The following MEF2A variants were observed in gnomAD, a reference collection of about 807,000 sequenced individuals.
The protein encoded by MEF2A is myocyte enhancer factor 2A, also known as myocyte-specific enhancer factor 2A.
Under a neutral mutation model 55.8 loss-of-function variants are expected in MEF2A, and 28 were observed. The ratio of observed to expected loss-of-function variants is 0.50; its 90% CI spans 0.37 to 0.69. The LOEUF is 0.69. MEF2A is among the 30% of genes least tolerant of loss of function. The pLI, the probability that MEF2A is intolerant of heterozygous loss-of-function variation, is 0.00. For missense variants in MEF2A, 528 were observed against 626.2 expected (o/e 0.84, Z 1.67); for synonymous variants, 239 against 227.1 (o/e 1.05, Z -0.47).
At chr15:99,587,187 C>G (rs1967612640) in intron 1 of MEF2A, among the ~76,000 whole-genome samples, 1 of 152,058 alleles carries the variant, frequency 6.6e-6, no homozygotes, top group African/African-American at 2.4e-5. Flanking sequence ...AGGTATTTCT[C>G]ATAATGCTAT....
At position 99,686,687 on chromosome 15, in the gene MEF2A, T is replaced by C. The variant is rs560622507; in HGVS notation, c.671-3554T>C. Among the ~76,000 whole-genome samples, 13 of 152,366 alleles carry C rather than the reference T, an allele frequency of 8.5e-5. No individual in the cohort carries two copies. In the East Asian group the frequency reaches 2.1e-3, roughly 25 times the overall value. On this transcript the variant is annotated intron_variant, in intron 7 of 11. Coordinates refer to ENST00000557942, the MANE Select transcript of MEF2A (RefSeq NM_001319206.4). ...TCTTCACTTTAGATAATCTGATTAC[T>C]GTGTGCCTGGGTGACAATCTTTTTG...
chr15:99,690,472 T>C (rs368911649), intron 8 of MEF2A, 44 bp downstream of exon 8: 2 of 1,499,048 alleles, frequency 1.3e-6, no homozygotes, highest in Non-Finnish European at 9.1e-7. Flanking sequence ...AAACACATAT[T>C]TTATACATAG....
intron 8 of MEF2A, among the ~76,000 whole-genome samples, chr15:99,699,269 A>G (rs539099261): frequency 4.6e-5 from 7 of 152,342 alleles, no homozygotes; most frequent in African/African-American, 1.4e-4. Flanking sequence ...TAAACTGTTT[A>G]TTCACCCAGC....
intron 1 of MEF2A, among the ~76,000 whole-genome samples, chr15:99,576,485 AT>A (rs1964308069): frequency 6.6e-6 from 1 of 152,094 alleles, no homozygotes; most frequent in Admixed American, 6.6e-5. Flanking sequence ...ATGACCCAAC[AT>A]TATTTTTATT....
At chr15:99,694,390 T>A (rs930365105) in intron 8 of MEF2A, among the ~76,000 whole-genome samples, 4 of 152,176 alleles carry the variant, frequency 2.6e-5, no homozygotes, top group East Asian at 1.9e-4. Context: ...GATTTCAGAT[T>A]TTTTCAAGTT....
intron 1 of MEF2A, among the ~76,000 whole-genome samples, chr15:99,587,319 G>C (rs1567168361): frequency 2.0e-5 from 3 of 151,962 alleles, no homozygotes; most frequent in African/African-American, 7.3e-5. Flanking sequence ...TTGGTTTTCT[G>C]CTCTTGTGTT....
chr15:99,684,209 G>A (rs1380801467), intron 7 of MEF2A, among the ~76,000 whole-genome samples: 1 of 152,092 alleles, frequency 6.6e-6, no homozygotes, highest in Non-Finnish European at 1.5e-5. Flanking sequence ...TTCATATACT[G>A]ACTTCTTTTC....
chr15:99,647,394 A>G (rs868536390), intron 4 of MEF2A, among the ~76,000 whole-genome samples: 7 of 152,210 alleles, frequency 4.6e-5, no homozygotes, highest in African/African-American at 1.4e-4. Flanking sequence ...GCAAATAAGT[A>G]TTCTAGCTAA....
chr15:99,634,732 A>C (rs183522937), intron 3 of MEF2A, among the ~76,000 whole-genome samples: 1 of 152,216 alleles, frequency 6.6e-6, no homozygotes, highest in African/African-American at 2.4e-5. Flanking sequence ...TGTTGAAAAG[A>C]TAGATACTGC....
At chr15:99,612,915 G>T (rs1229042123) in intron 2 of MEF2A, among the ~76,000 whole-genome samples, 1 of 133,022 alleles carries the variant, frequency 7.5e-6, no homozygotes, top group Admixed American at 7.6e-5. Context: ...TTTAGCAAGT[G>T]AAAAAAAAAA....
chr15:99,615,137 A>G (rs2039984874), intron 2 of MEF2A, among the ~76,000 whole-genome samples: 1 of 152,172 alleles, frequency 6.6e-6, no homozygotes, highest in Admixed American at 6.5e-5. Context: ...ACAGAAAAGG[A>G]ACAGGCTTGG....
chr15:99,665,744 A>AAAAAAAAAAAAAC (rs2049529269), intron 4 of MEF2A, among the ~76,000 whole-genome samples: 1 of 150,398 alleles, frequency 6.6e-6, no homozygotes, highest in African/African-American at 2.4e-5. Flanking sequence ...AAAAAAAAAA[A>AAAAAAAAAAAAAC]AAAAAAAAAA....
intron 8 of MEF2A, among the ~76,000 whole-genome samples, chr15:99,691,830 G>C (rs2153724876): frequency 6.6e-6 from 1 of 152,254 alleles, no homozygotes; most frequent in Middle Eastern, 3.4e-3. Context: ...CTATTTAACT[G>C]TATAAAGAAT....
chr15:99,632,191 A>G (rs1424640709), intron 2 of MEF2A, among the ~76,000 whole-genome samples: 1 of 138,608 alleles, frequency 7.2e-6, no homozygotes, highest in Non-Finnish European at 1.7e-5. Flanking sequence ...TAAAATTTAT[A>G]CACACACACA....
intron 4 of MEF2A, among the ~76,000 whole-genome samples, chr15:99,657,838 GA>G (rs1450429115): frequency 1.3e-5 from 2 of 152,090 alleles, no homozygotes; most frequent in Admixed American, 6.6e-5. Flanking sequence ...AACACGAAAA[GA>G]AAAATAGAAC....
chr15:99,713,350 C>T lies in MEF2A; in HGVS notation c.*579C>T. The stretch of plus-strand genomic sequence containing the variant: ...AAAAACAAACAAAACAAAAAAGCCC[C>T]ACACATAACTGTTTTGCACGTGCAA... On this transcript the variant is annotated 3_prime_UTR_variant, in exon 12 of 12. Coordinates refer to ENST00000557942, the MANE Select transcript of MEF2A (RefSeq NM_001319206.4). 1 of 234,872 alleles carries T rather than the reference C, an allele frequency of 4.3e-6. No individual in the cohort carries two copies. The highest frequency in any genetic ancestry group is 8.0e-5 in the East Asian group (1 of 12,524). The allele number at this position is 234,872 out of a possible 1,614,324, so 14.5% of individuals were successfully genotyped here.
At chr15:99,618,830 CAAAGTT>C (rs2040651969) in intron 2 of MEF2A, among the ~76,000 whole-genome samples, 2 of 152,054 alleles carry the variant, frequency 1.3e-5, no homozygotes, top group Non-Finnish European at 2.9e-5. Context: ...TTTTAAAATG[CAAAGTT>C]AAAGTTGTAA....
rs769713418 is a variant in MEF2A, at chr15:99,706,759, A to C, written c.913A>C (p.Thr305Pro). 3 of 1,613,814 alleles carry C rather than the reference A, an allele frequency of 1.9e-6. No homozygotes were observed. The South Asian group carries it at 3.3e-5, about 18-fold the overall frequency. ...CCAGAGGATCAGTAGTTCTCAAGCC[A>C]CTCAACCTCTTGCTACCCCAGTCGT... The part of the protein sequence containing the change: ...NTQRISSSQA[T>P]QPLATPVVSV... Residue 305 changes from threonine (T) to proline (P), a missense_variant, in exon 10 of 12, where the codon ACT (threonine) becomes CCT (proline). Physicochemically the swap from Thr to Pro is conservative, Grantham distance 38. Around this residue, in one of 2 missense-constraint regions of MEF2A, gnomAD observed 450 missense variants for 475.3 expected, o/e 0.95. Transcript: ENST00000557942.
chr15:99,704,494 G>C (rs1686625907), intron 9 of MEF2A, among the ~76,000 whole-genome samples: 1 of 152,214 alleles, frequency 6.6e-6, no homozygotes, highest in African/African-American at 2.4e-5. Context: ...ATTCACCTTA[G>C]GTTAGACCTC....
Sources: gnomAD v4.1 joint callset for allele counts (sites outside exome capture counted in the v4.1 genomes callset) on GRCh38, gnomAD v4.1.1 for gene constraint, gnomAD v4.1.1 regional missense constraint, MANE v1.5 for transcripts, NCBI Gene and HGNC (gene_info 2026-07-23, HGNC 2026-07-21) for gene names.